PCDH11X: variants seen among roughly 807,000 people sequenced by gnomAD.
The protein encoded by PCDH11X is protocadherin 11 X-linked, also known as protocadherin-11 X-linked.
In PCDH11X, 18 loss-of-function variants were observed where a neutral mutation model predicts 53.3. That is an observed-to-expected ratio of 0.34 (90% CI 0.23 to 0.50). The LOEUF is 0.50. Among genes scored for constraint, PCDH11X ranks in the 20% least tolerant of loss-of-function variants. The pLI is 0.98. For synonymous variants in PCDH11X, 279 were observed against 393.3 expected (o/e 0.71, Z 3.44); for missense variants, 570 against 1,032.4 (o/e 0.55, Z 6.14).
intron 8 of PCDH11X, among the ~76,000 whole-genome samples, chrX:92,283,904 T>C (rs771870285): frequency 8.9e-6 from 1 of 111,850 alleles, no homozygotes; most frequent in South Asian, 3.7e-4. Context: ...TTGATGAACT[T>C]TAAACAATGT....
chrX:92,070,846 C>T (rs1274646773), intron 6 of PCDH11X, among the ~76,000 whole-genome samples: 1 of 111,492 alleles, frequency 9.0e-6, no homozygotes, highest in Non-Finnish European at 1.9e-5. Flanking sequence ...GTTGCCCAGG[C>T]TGGAGTGCAG....
intron 6 of PCDH11X, among the ~76,000 whole-genome samples, chrX:92,088,708 A>T (rs2064000011): frequency 8.9e-6 from 1 of 111,762 alleles, no homozygotes; most frequent in African/African-American, 3.2e-5. Context: ...GAATGAATAT[A>T]AAATCCCCCA....
At chrX:92,256,487 A>G (rs2067590064) in intron 7 of PCDH11X, among the ~76,000 whole-genome samples, 1 of 111,353 alleles carries the variant, frequency 9.0e-6, no homozygotes, top group Admixed American at 9.5e-5. Context: ...TGTACATTGA[A>G]CCATCCTTGC....
At chrX:92,149,597 G>A (rs1432247283) in intron 6 of PCDH11X, among the ~76,000 whole-genome samples, 1 of 109,468 alleles carries the variant, frequency 9.1e-6, no homozygotes, top group Admixed American at 9.9e-5. Context: ...CTATTGAAGT[G>A]TAATTGAAGC....
intron 7 of PCDH11X, among the ~76,000 whole-genome samples, chrX:92,228,331 C>T (rs2067006809): frequency 8.9e-6 from 1 of 111,843 alleles, no homozygotes; most frequent in South Asian, 3.7e-4. Flanking sequence ...CCTGACAAGA[C>T]AGAGAAAATG....
intron 10 of PCDH11X, among the ~76,000 whole-genome samples, chrX:92,498,309 C>T (rs2073896352): frequency 9.1e-6 from 1 of 110,178 alleles, no homozygotes; most frequent in South Asian, 3.9e-4. Context: ...ATAATGGTAA[C>T]TTGCAAAGTT....
chrX:92,058,267 G>A (rs2063479515), intron 6 of PCDH11X, among the ~76,000 whole-genome samples: 1 of 110,495 alleles, frequency 9.1e-6, no homozygotes, highest in South Asian at 3.8e-4. Flanking sequence ...AAGGATGGAA[G>A]GGGATTGAGG....
At chrX:92,217,052 A>T (rs1475852942) in intron 7 of PCDH11X, among the ~76,000 whole-genome samples, 1 of 111,459 alleles carries the variant, frequency 9.0e-6, no homozygotes, top group South Asian at 3.8e-4. Context: ...CCTGAAGGAA[A>T]CACTAAACAT....
At chrX:92,338,808 A>G (rs1162799543) in intron 8 of PCDH11X, among the ~76,000 whole-genome samples, 1 of 111,978 alleles carries the variant, frequency 8.9e-6, no homozygotes, top group Non-Finnish European at 1.9e-5. Context: ...AGAAAATTTT[A>G]AAGTATATAC....
chrX:92,180,697 G>T (rs1754323807), intron 6 of PCDH11X, among the ~76,000 whole-genome samples: 1 of 111,363 alleles, frequency 9.0e-6, no homozygotes, highest in Admixed American at 9.6e-5. Flanking sequence ...TCTTGTGATA[G>T]TGAATAAGTC....
chrX:92,476,073 G>T (rs2073376950), intron 10 of PCDH11X, among the ~76,000 whole-genome samples: 1 of 111,331 alleles, frequency 9.0e-6, no homozygotes, highest in Admixed American at 9.6e-5. Flanking sequence ...GAATCATGGG[G>T]ATGGGCTTTT....
intron 6 of PCDH11X, among the ~76,000 whole-genome samples, chrX:91,988,077 C>T (rs1292246224): frequency 1.8e-5 from 2 of 110,623 alleles, no homozygotes; most frequent in African/African-American, 6.6e-5. Flanking sequence ...ATAGAATATA[C>T]CTGTATTATA....
At position 92,138,226 on chromosome X, in the gene PCDH11X, T is replaced by G. The variant is rs190392021; in HGVS notation, c.3034-63149T>G. On this transcript the variant is annotated intron_variant, in intron 6 of 10. Transcript: ENST00000682573. ...GCTGCATAGTATTCCATGGTGGATA[T>G]GTACCACATTTTCTTTATCCATTCT... Among the ~76,000 whole-genome samples the G allele has an allele frequency of 3.7e-3, 408 of 110,773 alleles. 2 individuals carry two copies. Among genetic ancestry groups the G allele is most frequent in the African/African-American group, 0.013 (398 of 30,529 alleles).
intron 6 of PCDH11X, among the ~76,000 whole-genome samples, chrX:91,934,765 T>C (rs1189164798): frequency 4.6e-5 from 5 of 108,032 alleles, no homozygotes; most frequent in Non-Finnish European, 9.6e-5. Context: ...ATACATTATA[T>C]GGCAGCAATT....
intron 7 of PCDH11X, among the ~76,000 whole-genome samples, chrX:92,239,318 C>T (rs993887687): frequency 1.6e-4 from 18 of 110,983 alleles, no homozygotes; most frequent in Non-Finnish European, 3.0e-4. Flanking sequence ...GTTTTGGAGT[C>T]CACCAGGCGT....
intron 10 of PCDH11X, among the ~76,000 whole-genome samples, chrX:92,557,510 C>G (rs1167803446): frequency 2.7e-5 from 3 of 111,389 alleles, no homozygotes; most frequent in Admixed American, 1.9e-4. Context: ...AATTTTTTAT[C>G]TCCATTTGAA....
At chrX:92,126,343 G>A (rs1410690055) in intron 6 of PCDH11X, among the ~76,000 whole-genome samples, 3 of 109,196 alleles carry the variant, frequency 2.7e-5, no homozygotes, top group African/African-American at 1.0e-4. Flanking sequence ...GGGAGTGGTG[G>A]CTCACACCTG....
chrX:92,159,248 G>A (rs2759797), intron 6 of PCDH11X, among the ~76,000 whole-genome samples: 2 of 110,144 alleles, frequency 1.8e-5, no homozygotes, highest in East Asian at 2.9e-4. Flanking sequence ...AGAATCTCTC[G>A]GTCTGCTGTA....
chrX:92,387,588 T>C lies in PCDH11X; in HGVS notation c.3145-147T>C, dbSNP rs780410196. The C allele has an allele frequency of 1.2e-3, 1,252 of 1,021,630 alleles. 2 individuals carry two copies. The highest frequency in any genetic ancestry group is 1.6e-3 in the Non-Finnish European group (1,200 of 753,134). 84.2% of individuals were successfully genotyped at this position (1,021,630 alleles called of 1,213,427 possible). On this transcript the variant is annotated intron_variant, in intron 8 of 10. Coordinates refer to ENST00000682573, the MANE Select transcript of PCDH11X (RefSeq NM_032968.5). Reference sequence around the variant, plus strand: ...AAGGTTTGAACACAGAATTGTGTTATTCACAAAAGCCTGAAATTGTTCACA... The same window carrying C: ...AAGGTTTGAACACAGAATTGTGTTACTCACAAAAGCCTGAAATTGTTCACA...
Sources: allele counts gnomAD v4.1 joint callset (sites outside exome capture counted in the v4.1 genomes callset), GRCh38; gene constraint gnomAD v4.1.1; transcripts MANE v1.5; gene names NCBI Gene and HGNC (gene_info 2026-07-23, HGNC 2026-07-21).